IFT52: variants seen among roughly 807,000 people sequenced by gnomAD.
IFT52 encodes the protein intraflagellar transport protein 52 homolog.
A neutral mutation model predicts 54.4 loss-of-function variants in IFT52; 44 were observed. The observed-to-expected ratio is 0.81, with a 90% CI of 0.63 to 1.04. IFT52 has a LOEUF of 1.04. IFT52 is among the 50% of genes least tolerant of loss of function. IFT52 has a pLI of 0.00. For synonymous variants in IFT52, 181 were observed against 185.3 expected, an observed-to-expected ratio of 0.98 and a Z score of 0.19; for missense variants, 452 against 523.6, an observed-to-expected ratio of 0.86 and a Z score of 1.33.
chr20:43,636,219 C>A (rs1985530137), intron 11 of IFT52, among the ~76,000 whole-genome samples: 1 of 152,192 alleles, frequency 6.6e-6, no homozygotes, highest in Non-Finnish European at 1.5e-5. Context: ...ATTGAGGAAT[C>A]AAGGATGTGG....
In IFT52 at chr20:43,642,518, G is replaced by A. The variant is rs532504246; in HGVS notation, c.1160G>A (p.Gly387Asp). Residue 387 changes from glycine (G) to aspartate (D), a missense_variant, in exon 13 of 14, where the codon GGT (glycine) becomes GAT (aspartate). Transcript: ENST00000373030. ...EDLEFYVRKC[G>D]DILGVTSKLP... ...CTGGAATTTTATGTCAGGAAGTGTG[G>A]TGATATTCTTGGAGTAACCAGTAAA... 3 of 1,614,142 alleles carry A rather than the reference G, an allele frequency of 1.9e-6. No individual in the cohort carries two copies. Among genetic ancestry groups the A allele is most frequent in the East Asian group, 2.2e-5 (1 of 44,884 alleles).
chr20:43,603,731 T>C (rs370016966), intron 3 of IFT52, 29 bp from the exon 4 acceptor site: 304 of 1,604,490 alleles, frequency 1.9e-4, no homozygotes, highest in Admixed American at 4.3e-4. Context: ...TTCAAGTATA[T>C]TCATAGATTG....
rs570984193 is a variant in IFT52 at position 43,626,342 on chromosome 20, C to T, written c.923+2297C>T. The stretch of plus-strand genomic sequence containing the variant: ...GCAGTGGCGCAATCTCTGCTCACTG[C>T]GACCTCTGCCTCCCAGGCTCAAGCA... On this transcript the variant is annotated intron_variant, in intron 10 of 13. Transcript: ENST00000373030. Among the ~76,000 whole-genome samples the T allele has an allele frequency of 5.9e-5, 9 of 151,412 alleles. No homozygotes were observed. In the South Asian group the frequency reaches 1.9e-3, roughly 32 times the overall value.
At chr20:43,607,378 T>G (rs1190031121) in intron 6 of IFT52, among the ~76,000 whole-genome samples, 1 of 139,676 alleles carries the variant, frequency 7.2e-6, no homozygotes, top group South Asian at 2.3e-4. Flanking sequence ...CCAGACAGGG[T>G]GGCTGCCGGG....
intron 1 of IFT52, among the ~76,000 whole-genome samples, chr20:43,593,672 C>G (rs1981704924): frequency 6.6e-6 from 1 of 152,122 alleles, no homozygotes; most frequent in Non-Finnish European, 1.5e-5. Flanking sequence ...TGGGCTCAAG[C>G]AATCCTTTCA....
chr20:43,622,767 A>ATT (rs199705726), intron 9 of IFT52, among the ~76,000 whole-genome samples: 14,037 of 120,706 alleles, frequency 0.12, 1,990 homozygotes, highest in African/African-American at 0.28. Flanking sequence ...ATATATACAA[A>ATT]TTGTGTGTAA....
intron 12 of IFT52, chr20:43,642,029 A>C (rs2145680370): frequency 6.5e-6 from 1 of 153,492 alleles, no homozygotes; most frequent in Non-Finnish European, 1.4e-5. Context: ...CCTGACCTCA[A>C]GTGATCTACC....
intron 10 of IFT52, among the ~76,000 whole-genome samples, chr20:43,631,287 A>C (rs1985152475): frequency 1.3e-5 from 2 of 152,224 alleles, no homozygotes; most frequent in African/African-American, 4.8e-5. Flanking sequence ...GGGTTGGCAT[A>C]ATACATGGCA....
rs908035774 is a variant in IFT52 at position 43,621,138 on chromosome 20, G to A, written c.768+213G>A. 1.8e-5 allele frequency: 8 copies of A among 436,740 alleles called. No homozygotes were observed. In the South Asian group the frequency reaches 4.0e-4, roughly 22 times the overall value. 27.1% of individuals were successfully genotyped at this position (436,740 alleles called of 1,614,324 possible). On this transcript the variant is annotated intron_variant, in intron 9 of 13. Coordinates refer to ENST00000373030, the MANE Select transcript of IFT52 (RefSeq NM_016004.5). ...AATCATAGAATTAATTGGAGGGGGAGCATACATACATACAGTATGTATATA... is the reference window on the plus strand; with the variant it reads ...AATCATAGAATTAATTGGAGGGGGAACATACATACATACAGTATGTATATA...
In IFT52 at chr20:43,647,109, A is replaced by G. The variant is rs975335736; in HGVS notation, c.*126A>G. On this transcript the variant is annotated 3_prime_UTR_variant, in exon 14 of 14. Transcript: ENST00000373030. ...TTCCTCCATGAGCTCTGGAAGGTAT[A>G]TGCATCTTCTGTAATACTCAGATAG... 8.7e-6 allele frequency: 7 copies of G among 802,396 alleles called. No homozygotes were observed. The African/African-American group carries it at 1.2e-4, about 14-fold the overall frequency. The allele number at this position is 802,396 out of a possible 1,614,324, so 49.7% of individuals were successfully genotyped here. A position where few individuals can be genotyped will look rare whatever the true frequency, so the allele number is the denominator to read the frequency against.
intron 10 of IFT52, among the ~76,000 whole-genome samples, chr20:43,629,500 C>A (rs6030996): frequency 0.77 from 116,547 of 151,758 alleles, 44,979 homozygotes; most frequent in East Asian, 0.8. Context: ...TCTCGATCTC[C>A]TGACCTCGTT....
chr20:43,621,045 G>A (rs374545109), intron 9 of IFT52, 120 bp downstream of exon 9: 5 of 697,004 alleles, frequency 7.2e-6, no homozygotes, highest in South Asian at 2.0e-5. Flanking sequence ...CAGATGGAAC[G>A]AAGGAATGAT....
chr20:43,591,389 T>C (rs913454882), intron 1 of IFT52, among the ~76,000 whole-genome samples: 1 of 152,212 alleles, frequency 6.6e-6, no homozygotes, highest in African/African-American at 2.4e-5. Context: ...GGTAATGTTA[T>C]TGAAGAGAAA....
At chr20:43,607,824 G>A (rs1056331074) in intron 6 of IFT52, among the ~76,000 whole-genome samples, 12 of 152,230 alleles carry the variant, frequency 7.9e-5, no homozygotes, top group African/African-American at 2.6e-4. Flanking sequence ...GTAGCGAGCC[G>A]AGATCACGCC....
At chr20:43,594,847 C>A in intron 2 of IFT52, 30 bp downstream of exon 2, 1 of 1,113,556 alleles carries the variant, frequency 9.0e-7, no homozygotes, top group South Asian at 1.2e-5. Flanking sequence ...GTTTTCCCTT[C>A]TAAATGATAT....
At chr20:43,597,059 C>T (rs1408072692) in intron 3 of IFT52, among the ~76,000 whole-genome samples, 2 of 149,656 alleles carry the variant, frequency 1.3e-5, no homozygotes, top group Non-Finnish European at 3.0e-5. Flanking sequence ...CATTTCTTTG[C>T]TATATTTTTG....
intron 10 of IFT52, among the ~76,000 whole-genome samples, chr20:43,624,834 T>TC (rs1984599787): frequency 6.6e-6 from 1 of 152,136 alleles, no homozygotes; most frequent in African/African-American, 2.4e-5. Flanking sequence ...TAGCTTGTCT[T>TC]CCTTTCTCAC....
intron 1 of IFT52, among the ~76,000 whole-genome samples, chr20:43,592,581 AAAAAT>A (rs1316152535): frequency 6.6e-6 from 1 of 152,134 alleles, no homozygotes; most frequent in East Asian, 1.9e-4. Flanking sequence ...AAAAAAAAAA[AAAAAT>A]TACATCATGA....
At position 43,624,013 on chromosome 20, in the gene IFT52, G is replaced by C. The variant is rs1984538035; in HGVS notation, c.891G>C (p.Gln297His). ...CCCTCTTCGACCTGTCCATCTTCCA[G>C]CTGGATACCACCTCCTTCCACAGCG... ...FTTLFDLSIF[Q>H]LDTTSFHSVI... Residue 297 changes from glutamine to histidine, a missense_variant, in exon 10 of 14, where the codon CAG becomes CAC. Transcript: ENST00000373030. 1 of 1,614,028 alleles carries C rather than the reference G, an allele frequency of 6.2e-7. No homozygotes were observed. Among genetic ancestry groups the C allele is most frequent in the East Asian group, 2.2e-5 (1 of 44,900 alleles).
Sources: gnomAD v4.1 joint callset for allele counts (sites outside exome capture counted in the v4.1 genomes callset) on GRCh38, gnomAD v4.1.1 for gene constraint, MANE v1.5 for transcripts, NCBI Gene and HGNC (gene_info 2026-07-23, HGNC 2026-07-21) for gene names.